SORCS3: variants seen among roughly 807,000 people sequenced by gnomAD.
SORCS3 encodes sortilin related VPS10 domain containing receptor 3.
Under a neutral mutation model 146.3 loss-of-function variants are expected in SORCS3, and 57 were observed. The observed-to-expected ratio is 0.39, with a 90% confidence interval of 0.31 to 0.49. The LOEUF (loss-of-function observed/expected upper bound fraction) is 0.49. Among genes scored for constraint, SORCS3 ranks in the 20% least tolerant of loss-of-function variants. SORCS3 has a pLI of 0.92. For missense variants in SORCS3, 1,341 were observed against 1,575.5 expected, an observed-to-expected ratio of 0.85 and a Z score of 2.52; for synonymous variants, 653 against 618.5, an observed-to-expected ratio of 1.06 and a Z score of -0.83.
chr10:105,078,538 A>T (rs949979135), intron 5 of SORCS3, among the ~76,000 whole-genome samples: 1 of 152,188 alleles, frequency 6.6e-6, no homozygotes, highest in Non-Finnish European at 1.5e-5. Context: ...AAAAGATTAT[A>T]TTACTATCTC....
chr10:104,676,396 T>C (rs1395611409), intron 1 of SORCS3, among the ~76,000 whole-genome samples: 1 of 152,220 alleles, frequency 6.6e-6, no homozygotes, highest in African/African-American at 2.4e-5. Flanking sequence ...AGTCTAACTT[T>C]TGTTGACATC....
At chr10:105,214,365 A>ACACACAC (rs113804925) in intron 17 of SORCS3, 77 bp from the exon 18 acceptor site, 110 of 1,433,356 alleles carry the variant, frequency 7.7e-5, no homozygotes, top group Middle Eastern at 1.8e-4. Context: ...TTCCCTTTAT[A>ACACACAC]ACACACACAC....
chr10:105,113,135 C>T (rs191649401), intron 7 of SORCS3, among the ~76,000 whole-genome samples: 3 of 152,276 alleles, frequency 2.0e-5, no homozygotes, highest in Admixed American at 2.0e-4. Context: ...CTTCGTTTGA[C>T]AAAAGGATCC....
intron 1 of SORCS3, among the ~76,000 whole-genome samples, chr10:104,782,764 G>A (rs975686745): frequency 3.2e-4 from 48 of 152,112 alleles, no homozygotes; most frequent in African/African-American, 1.1e-3. Context: ...ATCTTTCTGA[G>A]CCCCAGTTTC....
At chr10:104,766,315 G>C (rs1312993203) in intron 1 of SORCS3, among the ~76,000 whole-genome samples, 2 of 152,218 alleles carry the variant, frequency 1.3e-5, no homozygotes, top group Non-Finnish European at 2.9e-5. Context: ...CACCACATCT[G>C]TATTTGTCTC....
chr10:104,886,672 G>A (rs2018692105), intron 2 of SORCS3, among the ~76,000 whole-genome samples: 1 of 151,924 alleles, frequency 6.6e-6, no homozygotes, highest in Non-Finnish European at 1.5e-5. Flanking sequence ...CAAAACAGCA[G>A]CCATTGATGG....
At chr10:104,645,075 C>A (rs1173227884) in intron 1 of SORCS3, among the ~76,000 whole-genome samples, 1 of 152,142 alleles carries the variant, frequency 6.6e-6, no homozygotes, top group Non-Finnish European at 1.5e-5. Flanking sequence ...AGGAGTGCAA[C>A]TGGCTTTGGG....
rs1461184111 is a variant in SORCS3 at position 105,167,277 on chromosome 10, A to G, written c.1829A>G (p.Asn610Ser). ...TTCCAGATCTTTGATGAAGAGTACA[A>G]TGTCTGGTTCCTAGACTGGGGTGGT... ...TWRQIFDEEY[N>S]VWFLDWGGAL... Residue 610 changes from asparagine to serine, a missense_variant, in exon 13 of 27, where the codon AAT (asparagine) becomes AGT (serine). By Grantham distance (46) the Asn-to-Ser change is conservative. Coordinates refer to ENST00000369701, the MANE Select transcript of SORCS3 (RefSeq NM_014978.3). 1 of 1,613,166 alleles carries G rather than the reference A, an allele frequency of 6.2e-7. No individual in the cohort carries two copies. Among genetic ancestry groups the G allele is most frequent in the South Asian group, 1.1e-5 (1 of 91,014 alleles).
chr10:105,028,610 T>C (rs2055245326), intron 4 of SORCS3, among the ~76,000 whole-genome samples: 1 of 152,200 alleles, frequency 6.6e-6, no homozygotes, highest in African/African-American at 2.4e-5. Context: ...CTTCAACCCT[T>C]AGTCTGTGTA....
intron 1 of SORCS3, among the ~76,000 whole-genome samples, chr10:104,768,209 A>C (rs2017204715): frequency 6.6e-6 from 1 of 152,230 alleles, no homozygotes; most frequent in Admixed American, 6.5e-5. Context: ...CTAACTCCAT[A>C]GGGAAGGCAC....
At chr10:105,181,500 C>T (rs186561015) in intron 14 of SORCS3, among the ~76,000 whole-genome samples, 2 of 152,168 alleles carry the variant, frequency 1.3e-5, no homozygotes, top group Admixed American at 6.5e-5. Context: ...TCACAATAAT[C>T]TGCCCAATTT....
rs190497444 is a variant in SORCS3, at chr10:104,696,596, G to A, written c.627+54642G>A. 2.7e-3 allele frequency among the ~76,000 whole-genome samples: 207 copies of A among 77,434 alleles called. 3 individuals are homozygous for A. The highest frequency in any genetic ancestry group is 3.1e-3 in the Non-Finnish European group (132 of 42,950). 50.8% of individuals were successfully genotyped at this position (77,434 alleles called of 152,430 possible). On this transcript the variant is annotated intron_variant, in intron 1 of 26. Transcript: ENST00000369701. ...ATAATATATAATATATATTATATAC[G>A]TATATATTATATATAATATATATTA...
chr10:104,773,591 G>A (rs919068020), intron 1 of SORCS3, among the ~76,000 whole-genome samples: 15 of 152,356 alleles, frequency 9.8e-5, no homozygotes, highest in Non-Finnish European at 1.3e-4. Flanking sequence ...CAGAGCAGAA[G>A]GCAGCAGGGT....
At chr10:105,131,617 C>T (rs1282262838) in intron 7 of SORCS3, among the ~76,000 whole-genome samples, 2 of 152,074 alleles carry the variant, frequency 1.3e-5, no homozygotes, top group African/African-American at 4.8e-5. Flanking sequence ...TTATAAATAC[C>T]TGAGACTGGG....
At chr10:104,836,048 G>A (rs1199269810) in intron 1 of SORCS3, among the ~76,000 whole-genome samples, 1 of 152,184 alleles carries the variant, frequency 6.6e-6, no homozygotes, top group African/African-American at 2.4e-5. Flanking sequence ...TTCAGGTGCT[G>A]CATTCTTTCC....
chr10:104,676,629 C>A (rs552425926), intron 1 of SORCS3, among the ~76,000 whole-genome samples: 1 of 152,226 alleles, frequency 6.6e-6, no homozygotes, highest in South Asian at 2.1e-4. Flanking sequence ...GGAGGAGAAC[C>A]CAGATCTTCT....
chr10:104,713,480 A>G (rs566546671), intron 1 of SORCS3, among the ~76,000 whole-genome samples: 1 of 152,162 alleles, frequency 6.6e-6, no homozygotes, highest in South Asian at 2.1e-4. Flanking sequence ...CTCTGTTTCT[A>G]GTTTGCTGAG....
intron 4 of SORCS3, among the ~76,000 whole-genome samples, chr10:105,037,217 G>A (rs1247617572): frequency 6.6e-6 from 1 of 152,110 alleles, no homozygotes; most frequent in African/African-American, 2.4e-5. Flanking sequence ...TAAAAATCTG[G>A]CCTCACAACT....
intron 20 of SORCS3, among the ~76,000 whole-genome samples, chr10:105,241,146 C>T (rs756694484): frequency 6.6e-6 from 1 of 152,132 alleles, no homozygotes; most frequent in Non-Finnish European, 1.5e-5. Flanking sequence ...GTTCCCAAAT[C>T]ATAAAATATA....
Sources: gnomAD v4.1 joint callset for allele counts (sites outside exome capture counted in the v4.1 genomes callset) on GRCh38, gnomAD v4.1.1 for gene constraint, MANE v1.5 for transcripts, NCBI Gene and HGNC (gene_info 2026-07-23, HGNC 2026-07-21) for gene names.